Variants in ABTB2 observed in about 807,000 individuals in gnomAD.
ABTB2 encodes the protein ankyrin repeat and BTB domain containing 2, also known as ankyrin repeat and BTB/POZ domain-containing protein 2.
In ABTB2, 56 loss-of-function variants were observed where a neutral mutation model predicts 104.1. That is an observed-to-expected ratio of 0.54 (90% confidence interval 0.43 to 0.67). The LOEUF (loss-of-function observed/expected upper bound fraction) is 0.67, where lower values mean the gene tolerates loss of function less well. ABTB2 is among the 30% of genes least tolerant of loss of function. ABTB2 has a pLI of 0.00. For synonymous variants in ABTB2, 606 were observed against 608.2 expected (o/e 1.00, Z 0.05); for missense variants, 1,279 against 1,407.7 (o/e 0.91, Z 1.46).
At chr11:34,280,948 G>A (rs1354054672) in intron 1 of ABTB2, among the ~76,000 whole-genome samples, 1 of 152,190 alleles carries the variant, frequency 6.6e-6, no homozygotes, top group Non-Finnish European at 1.5e-5. Context: ...AAAATGGGAA[G>A]CTCCTTAATT....
intron 1 of ABTB2, among the ~76,000 whole-genome samples, chr11:34,314,621 G>A (rs1281023371): frequency 3.9e-5 from 6 of 152,286 alleles, no homozygotes. Context: ...GAGGCTAGGA[G>A]GTCAGTGTCC....
At chr11:34,305,270 G>A (rs1854757466) in intron 1 of ABTB2, among the ~76,000 whole-genome samples, 1 of 152,144 alleles carries the variant, frequency 6.6e-6, no homozygotes, top group East Asian at 1.9e-4. Context: ...GCTCATTCTT[G>A]GCAGTGTTAG....
At chr11:34,191,224 G>T (rs981144825) in intron 3 of ABTB2, among the ~76,000 whole-genome samples, 2 of 152,136 alleles carry the variant, frequency 1.3e-5, no homozygotes, top group African/African-American at 4.8e-5. Flanking sequence ...AACCATGATT[G>T]CACCACTGCA....
At chr11:34,282,909 C>CT (rs1854463871) in intron 1 of ABTB2, among the ~76,000 whole-genome samples, 1 of 149,112 alleles carries the variant, frequency 6.7e-6, no homozygotes, top group African/African-American at 2.5e-5. Flanking sequence ...TTTAAAAAGT[C>CT]TTTTTCTTTT....
chr11:34,355,733 T>C (rs988565322), intron 1 of ABTB2, among the ~76,000 whole-genome samples: 8 of 152,208 alleles, frequency 5.3e-5, no homozygotes, highest in African/African-American at 1.9e-4. Flanking sequence ...GAACAGTTTA[T>C]GGTGCTGACT....
chr11:34,171,597 A>G (rs1297062961), intron 4 of ABTB2, among the ~76,000 whole-genome samples: 1 of 152,112 alleles, frequency 6.6e-6, no homozygotes, highest in Non-Finnish European at 1.5e-5. Context: ...ATAAGTAAGT[A>G]AGTAAGTAAG....
chr11:34,268,313 T>C (rs73497303), intron 1 of ABTB2, among the ~76,000 whole-genome samples: 13,404 of 152,138 alleles, frequency 0.088, 1,591 homozygotes, highest in African/African-American at 0.27. Context: ...GAAAAATAAC[T>C]ACCTCAGAGC....
intron 1 of ABTB2, among the ~76,000 whole-genome samples, chr11:34,274,128 C>A (rs1000554148): frequency 5.7e-5 from 7 of 122,996 alleles, no homozygotes; most frequent in African/African-American, 1.9e-4. Context: ...GTCCGCAGTC[C>A]GGCCTGGGCG....
chr11:34,349,768 C>T (rs1285298209), intron 1 of ABTB2, among the ~76,000 whole-genome samples: 1 of 152,162 alleles, frequency 6.6e-6, no homozygotes, highest in Non-Finnish European at 1.5e-5. Context: ...CTGGTGGTGG[C>T]TATGAAGCAT....
chr11:34,227,248 T>C (rs1853699326), intron 1 of ABTB2, among the ~76,000 whole-genome samples: 1 of 140,060 alleles, frequency 7.1e-6, no homozygotes, highest in Admixed American at 7.9e-5. Flanking sequence ...CACTCCAGTG[T>C]GGGTGACAGA....
At chr11:34,273,717 C>T (rs906062407) in intron 1 of ABTB2, among the ~76,000 whole-genome samples, 3 of 152,050 alleles carry the variant, frequency 2.0e-5, no homozygotes, top group Admixed American at 6.6e-5. Flanking sequence ...ACCTTGCATC[C>T]CTTTATGCAC....
At chr11:34,222,569 C>A (rs1397725809) in intron 1 of ABTB2, among the ~76,000 whole-genome samples, 1 of 152,086 alleles carries the variant, frequency 6.6e-6, no homozygotes, top group African/African-American at 2.4e-5. Context: ...ATAACAGGCA[C>A]CCTCCAGCTT....
chr11:34,157,967 A>T (rs923888518), intron 14 of ABTB2, among the ~76,000 whole-genome samples: 2 of 152,208 alleles, frequency 1.3e-5, no homozygotes, highest in Non-Finnish European at 2.9e-5. Context: ...CAAGTTACTC[A>T]ACCTCTCCAT....
intron 1 of ABTB2, among the ~76,000 whole-genome samples, chr11:34,336,300 T>C (rs1590261278): frequency 1.3e-5 from 2 of 152,118 alleles, no homozygotes; most frequent in East Asian, 3.9e-4. Flanking sequence ...ATAAGGCAGG[T>C]ACTACTATCA....
chr11:34,221,609 G>C (rs1254721281), intron 1 of ABTB2, among the ~76,000 whole-genome samples: 1 of 152,256 alleles, frequency 6.6e-6, no homozygotes, highest in African/African-American at 2.4e-5. Context: ...GAGGGCTTGA[G>C]GTGGTGACGG....
chr11:34,295,483 AG>A (rs1480690785), intron 1 of ABTB2, among the ~76,000 whole-genome samples: 1 of 152,216 alleles, frequency 6.6e-6, no homozygotes, highest in Non-Finnish European at 1.5e-5. Context: ...AAACAAAGTC[AG>A]TAGTTGAATG....
chr11:34,152,056 C>T lies in ABTB2; in HGVS notation c.*331G>A. ...CTAGGGGTGAGTAGAGCTTGGAGGG[C>T]CTGGGCGGAGGTGGATCAGGATCAG... On this transcript the variant is annotated 3_prime_UTR_variant, in exon 17 of 17. Coordinates refer to ENST00000435224, the MANE Select transcript of ABTB2 (RefSeq NM_145804.3). 1 of 354,508 alleles carries T rather than the reference C, an allele frequency of 2.8e-6. No homozygotes were observed. Among genetic ancestry groups the T allele is most frequent in the Non-Finnish European group, 5.4e-6 (1 of 186,612 alleles). The allele number at this position is 354,508 out of a possible 1,614,324, so 22.0% of individuals were successfully genotyped here. A position where few individuals can be genotyped will look rare whatever the true frequency, so the allele number is the denominator to read the frequency against.
rs1853276358 is a variant in ABTB2 at position 34,197,519 on chromosome 11, G to A, written c.1050C>T (p.Ala350=). The change falls in exon 3 of 17, where the codon GCC becomes GCT. Residue 350 remains alanine, a synonymous_variant. Transcript: ENST00000435224. The stretch of plus-strand genomic sequence containing the variant: ...GGTGACGCCCCTGCATGTGGTGCAT[G>A]GCACGGGAGACCAAGTCACCTGGTG... The part of the protein sequence containing the change: ...ISELSDLVSR[A]MHHMQGRHPL... 1 of 1,581,180 alleles carries A rather than the reference G, an allele frequency of 6.3e-7. No homozygotes were observed. The highest frequency in any genetic ancestry group is 1.3e-5 in the African/African-American group (1 of 74,310).
chr11:34,239,737 G>T (rs1284060685), intron 1 of ABTB2, among the ~76,000 whole-genome samples: 1 of 152,180 alleles, frequency 6.6e-6, no homozygotes, highest in Non-Finnish European at 1.5e-5. Context: ...TTGTACCACA[G>T]TACGAGGTAA....
Sources: allele counts gnomAD v4.1 joint callset (sites outside exome capture counted in the v4.1 genomes callset), GRCh38; gene constraint gnomAD v4.1.1; transcripts MANE v1.5; gene names NCBI Gene and HGNC (gene_info 2026-07-23, HGNC 2026-07-21).